Variants in SRGAP1 observed in about 807,000 individuals in gnomAD.
The protein encoded by SRGAP1 is SLIT-ROBO Rho GTPase activating protein 1, also known as SLIT-ROBO Rho GTPase-activating protein 1.
In SRGAP1, 43 loss-of-function variants were observed where a neutral mutation model predicts 121.9. That is an observed-to-expected ratio of 0.35 (90% CI 0.28 to 0.46). The LOEUF (loss-of-function observed/expected upper bound fraction) is 0.46, where lower values mean the gene tolerates loss of function less well. Among genes scored for constraint, SRGAP1 ranks in the 20% least tolerant of loss-of-function variants. The probability of loss-of-function intolerance (pLI) is 1.00; values close to 1 mark genes in which losing one functional copy is unlikely to be tolerated. For missense variants in SRGAP1, 1,102 were observed against 1,350.9 expected, an observed-to-expected ratio of 0.82 and a Z score of 2.89; for synonymous variants, 447 against 485.4, an observed-to-expected ratio of 0.92 and a Z score of 1.04.
At chr12:63,948,165 T>C (rs536771124) in intron 1 of SRGAP1, among the ~76,000 whole-genome samples, 2 of 152,206 alleles carry the variant, frequency 1.3e-5, no homozygotes, top group African/African-American at 4.8e-5. Flanking sequence ...GTCTTTATAA[T>C]GTTAAAGCAA....
Position 64,089,026 on chromosome 12 carries a change from G to C in SRGAP1, c.1436+2000G>C, listed in dbSNP as rs1355615975. On this transcript the variant is annotated intron_variant, in intron 11 of 21. Coordinates refer to ENST00000355086, the MANE Select transcript of SRGAP1 (RefSeq NM_020762.4). Reference sequence around the variant, plus strand: ...AGTTTTTTAATGCTTTGGTATATTGGGGACTTTCTGACCCCAGAAGTACTG... The same window carrying C: ...AGTTTTTTAATGCTTTGGTATATTGCGGACTTTCTGACCCCAGAAGTACTG... 2.6e-5 allele frequency among the ~76,000 whole-genome samples: 4 copies of C among 152,084 alleles called. No individual in the cohort carries two copies. The East Asian group carries it at 7.7e-4, about 29-fold the overall frequency.
chr12:64,117,922 A>G (rs958877267), intron 18 of SRGAP1, among the ~76,000 whole-genome samples: 2 of 152,156 alleles, frequency 1.3e-5, no homozygotes, highest in Non-Finnish European at 2.9e-5. Flanking sequence ...GCTGTCACAT[A>G]TGTCGGGATT....
chr12:64,018,050 A>G (rs952199192), intron 4 of SRGAP1, among the ~76,000 whole-genome samples: 12 of 152,094 alleles, frequency 7.9e-5, no homozygotes, highest in African/African-American at 2.9e-4. Context: ...ATTAATTTAT[A>G]TTAATGAAAG....
chr12:64,092,280 T>C (rs1275492653), intron 12 of SRGAP1, among the ~76,000 whole-genome samples: 4 of 152,182 alleles, frequency 2.6e-5, no homozygotes, highest in African/African-American at 9.6e-5. Flanking sequence ...CTTTCTCCTT[T>C]GTAGTTCACA....
intron 1 of SRGAP1, among the ~76,000 whole-genome samples, chr12:63,912,722 G>A (rs1162645691): frequency 6.6e-6 from 1 of 152,084 alleles, no homozygotes; most frequent in Non-Finnish European, 1.5e-5. Flanking sequence ...TTAAAAAAGA[G>A]AAATATAAAC....
intron 4 of SRGAP1, among the ~76,000 whole-genome samples, chr12:64,042,495 T>TC (rs2035045486): frequency 6.6e-6 from 1 of 152,186 alleles, no homozygotes; most frequent in African/African-American, 2.4e-5. Flanking sequence ...GAAATACTTT[T>TC]AAGCTTAAGA....
At chr12:63,901,380 G>T (rs1266057365) in intron 1 of SRGAP1, among the ~76,000 whole-genome samples, 1 of 152,168 alleles carries the variant, frequency 6.6e-6, no homozygotes, top group Non-Finnish European at 1.5e-5. Context: ...GAGTTGTATT[G>T]TCTGGTCTGA....
chr12:63,938,599 T>A (rs1164575535), intron 1 of SRGAP1, among the ~76,000 whole-genome samples: 1 of 152,198 alleles, frequency 6.6e-6, no homozygotes, highest in African/African-American at 2.4e-5. Flanking sequence ...ATAACAATGA[T>A]GCCTTGTGTG....
intron 4 of SRGAP1, among the ~76,000 whole-genome samples, chr12:64,030,792 G>C (rs1039197264): frequency 6.6e-6 from 1 of 152,090 alleles, no homozygotes; most frequent in African/African-American, 2.4e-5. Flanking sequence ...CCTGTATAAG[G>C]TTCATCAATT....
At chr12:63,923,152 C>T (rs976044404) in intron 1 of SRGAP1, among the ~76,000 whole-genome samples, 1 of 152,164 alleles carries the variant, frequency 6.6e-6, no homozygotes, top group Non-Finnish European at 1.5e-5. Flanking sequence ...AGGTAAATGC[C>T]ACTAATATTT....
chr12:64,144,047 T>C lies in SRGAP1; in HGVS notation c.*1375T>C, dbSNP rs1003184919. On this transcript the variant is annotated 3_prime_UTR_variant, in exon 22 of 22. Transcript: ENST00000355086. ...CTCCCATAGTCAGCTGAACTCTCAATTGGAGACCCTCTTTCTCTGGCATCC... is the reference window on the plus strand; with the variant it reads ...CTCCCATAGTCAGCTGAACTCTCAACTGGAGACCCTCTTTCTCTGGCATCC... The C allele has an allele frequency of 7.9e-5, 12 of 152,224 alleles. No homozygotes were observed. Among genetic ancestry groups the C allele is most frequent in the Admixed American group, 6.5e-4 (10 of 15,280 alleles). The allele number at this position is 152,224 out of a possible 1,614,324, so 9.4% of individuals were successfully genotyped here. A position where few individuals can be genotyped will look rare whatever the true frequency, so the allele number is the denominator to read the frequency against.
At chr12:63,987,647 C>T (rs891795066) in intron 2 of SRGAP1, among the ~76,000 whole-genome samples, 8 of 151,960 alleles carry the variant, frequency 5.3e-5, no homozygotes, top group Admixed American at 2.6e-4. Flanking sequence ...GCTTGAACCC[C>T]GGAGGAAAAG....
chr12:64,055,409 G>A (rs1429894173), intron 6 of SRGAP1, among the ~76,000 whole-genome samples: 3 of 151,776 alleles, frequency 2.0e-5, no homozygotes, highest in South Asian at 2.1e-4. Context: ...AATCAGTATC[G>A]TGAAAATGGC....
At chr12:64,103,595 T>C (rs1185633218) in intron 15 of SRGAP1, among the ~76,000 whole-genome samples, 2 of 152,248 alleles carry the variant, frequency 1.3e-5, no homozygotes, top group Non-Finnish European at 1.5e-5. Flanking sequence ...TTTATTGACA[T>C]ACATGGTAGT....
chr12:64,070,612 G>A (rs560465297), intron 8 of SRGAP1, among the ~76,000 whole-genome samples: 103 of 152,252 alleles, frequency 6.8e-4, no homozygotes, highest in Admixed American at 1.4e-3. Context: ...ATAGCTCCAC[G>A]TAAATTTTCC....
At chr12:63,868,054 A>AT (rs1899704114) in intron 1 of SRGAP1, among the ~76,000 whole-genome samples, 4 of 33,624 alleles carry the variant, frequency 1.2e-4, no homozygotes, top group Non-Finnish European at 1.3e-4. Context: ...ATATATATAT[A>AT]TATTTTTTTT....
At position 63,953,455 on chromosome 12, in the gene SRGAP1, T is replaced by A. The variant is rs1469596439; in HGVS notation, c.68-30492T>A. ...TCTCACTCTGTGGCCCAGGCTGGAG[T>A]GTAGTAGTGTGATCTTGGCTTACTG... On this transcript the variant is annotated intron_variant, in intron 1 of 21. Transcript: ENST00000355086. 2.1e-5 allele frequency among the ~76,000 whole-genome samples: 3 copies of A among 145,260 alleles called. No homozygotes were observed. In the East Asian group the frequency reaches 6.0e-4, roughly 29 times the overall value.
At chr12:64,003,555 A>G (rs1243922937) in intron 3 of SRGAP1, among the ~76,000 whole-genome samples, 1 of 152,134 alleles carries the variant, frequency 6.6e-6, no homozygotes, top group East Asian at 1.9e-4. Flanking sequence ...AACAACAAAA[A>G]AATTCATTAG....
chr12:63,925,785 TG>T (rs2031238867), intron 1 of SRGAP1, among the ~76,000 whole-genome samples: 1 of 152,174 alleles, frequency 6.6e-6, no homozygotes, highest in Admixed American at 6.5e-5. Context: ...CAGATAGAGA[TG>T]GCATCCTTAT....
Sources: gnomAD v4.1 joint callset for allele counts (sites outside exome capture counted in the v4.1 genomes callset) on GRCh38, gnomAD v4.1.1 for gene constraint, MANE v1.5 for transcripts, NCBI Gene and HGNC (gene_info 2026-07-23, HGNC 2026-07-21) for gene names.